The following ANKS1A variants were observed in gnomAD, a reference collection of about 807,000 sequenced individuals.
ANKS1A encodes the protein ankyrin repeat and SAM domain-containing protein 1A.
A neutral mutation model predicts 120.3 loss-of-function variants in ANKS1A; 55 were observed. The observed-to-expected ratio is 0.46, with a 90% confidence interval of 0.37 to 0.57. ANKS1A has a LOEUF of 0.57. Among genes scored for constraint, ANKS1A ranks in the 20% least tolerant of loss-of-function variants. The probability of loss-of-function intolerance (pLI) is 0.00; values close to 1 mark genes in which losing one functional copy is unlikely to be tolerated. For synonymous variants in ANKS1A, 590 were observed against 604.7 expected (o/e 0.98, Z 0.36); for missense variants, 1,123 against 1,480.3 (o/e 0.76, Z 3.96).
intron 13 of ANKS1A, among the ~76,000 whole-genome samples, chr6:35,066,255 A>G (rs1323515385): frequency 1.3e-5 from 2 of 152,194 alleles, no homozygotes; most frequent in African/African-American, 4.8e-5. Context: ...TGAAAAAGGC[A>G]GTGGGCAGCA....
At chr6:35,068,913 GCTGGCGCAGCT>G in intron 13 of ANKS1A, among the ~76,000 whole-genome samples, 1 of 152,278 alleles carries the variant, frequency 6.6e-6, no homozygotes, top group South Asian at 2.1e-4. Context: ...TAGAGTCCAG[GCTGGCGCAGCT>G]CTGGCCCCAA....
chr6:34,951,620 A>G (rs1770096533), intron 1 of ANKS1A, among the ~76,000 whole-genome samples: 1 of 152,226 alleles, frequency 6.6e-6, no homozygotes, highest in South Asian at 2.1e-4. Context: ...ATTTCATTTG[A>G]GACATTTATC....
Position 35,084,387 on chromosome 6 carries a change from G to T in ANKS1A, c.3132+129G>T. ...AGTGCCTGGCAAATGTTTGGTTCAT[G>T]AATGGAGCCCAGCAGCACTCAGGCC... On this transcript the variant is annotated intron_variant, in intron 21 of 23. Coordinates refer to ENST00000360359, the MANE Select transcript of ANKS1A (RefSeq NM_015245.3). This position sits in a 1 kb window ranked among gnomAD's most constrained non-coding sequence, Gnocchi z 4.8. The T allele has an allele frequency of 7.6e-7, 1 of 1,319,718 alleles. No homozygotes were observed. Among genetic ancestry groups the T allele is most frequent in the East Asian group, 2.5e-5 (1 of 40,318 alleles). 81.8% of individuals were successfully genotyped at this position (1,319,718 alleles called of 1,614,324 possible). A position where few individuals can be genotyped will look rare whatever the true frequency, so the allele number is the denominator to read the frequency against.
chr6:34,934,693 C>G (rs1392229372), intron 1 of ANKS1A, among the ~76,000 whole-genome samples: 1 of 152,212 alleles, frequency 6.6e-6, no homozygotes, highest in Non-Finnish European at 1.5e-5. Flanking sequence ...AAGTGGGCGT[C>G]GTGACAAGTT....
At chr6:35,067,043 ACCC>A (rs1776811712) in intron 13 of ANKS1A, among the ~76,000 whole-genome samples, 1 of 151,798 alleles carries the variant, frequency 6.6e-6, no homozygotes, top group South Asian at 2.1e-4. Flanking sequence ...CGGGATTGGA[ACCC>A]CTTTCTACCA....
rs939148836 is a variant in ANKS1A, at chr6:34,999,719, G to C, written c.1423+5297G>C. Among the ~76,000 whole-genome samples, 72 of 152,048 alleles carry C rather than the reference G, an allele frequency of 4.7e-4. 2 individuals are homozygous for C. ...GGTAACCTGTAAGCCAAGGCACCCA[G>C]ACCAGTTTCCCTACATAGACAGTTA... On this transcript the variant is annotated intron_variant, in intron 10 of 23. Coordinates refer to ENST00000360359, the MANE Select transcript of ANKS1A (RefSeq NM_015245.3).
rs374388730 is a variant in ANKS1A, at chr6:34,999,146, C to T, written c.1423+4724C>T. Among the ~76,000 whole-genome samples, 305 of 152,354 alleles carry T rather than the reference C, an allele frequency of 2.0e-3. 1 individual carries two copies. The highest frequency in any genetic ancestry group is 7.0e-3 in the African/African-American group (289 of 41,582). ...CTTGCCCACTCCATCTGAGTGGAAG[C>T]ATGGCCTGATCATCCACGGTGTGCC... On this transcript the variant is annotated intron_variant, in intron 10 of 23. Transcript: ENST00000360359.
intron 10 of ANKS1A, 83 bp downstream of exon 10, chr6:34,994,505 G>A (rs558608932): frequency 2.7e-5 from 41 of 1,544,290 alleles, no homozygotes; most frequent in South Asian, 1.1e-4. Context: ...GGAAGATGTC[G>A]TAACTATGAT....
Position 35,084,485 on chromosome 6 carries a change from G to T in ANKS1A, c.3132+227G>T, listed in dbSNP as rs1372589714. On this transcript the variant is annotated intron_variant, in intron 21 of 23. Coordinates refer to ENST00000360359, the MANE Select transcript of ANKS1A (RefSeq NM_015245.3). This position sits in a 1 kb window ranked among gnomAD's most constrained non-coding sequence, Gnocchi z 4.8. ...TGGCCCAGGGCACTAGGGACAGGAGGTTCCAGCTTTTTTTTTTTTTTTTTA... is the reference window on the plus strand; with the variant it reads ...TGGCCCAGGGCACTAGGGACAGGAGTTTCCAGCTTTTTTTTTTTTTTTTTA... 7.2e-6 allele frequency among the ~76,000 whole-genome samples: 1 copy of T among 137,954 alleles called. No homozygotes were observed. Among genetic ancestry groups the T allele is most frequent in the Non-Finnish European group, 1.5e-5 (1 of 65,322 alleles). The allele number at this position is 137,954 out of a possible 152,430, so 90.5% of individuals were successfully genotyped here.
chr6:34,979,773 A>G (rs1308855062), intron 3 of ANKS1A, among the ~76,000 whole-genome samples: 1 of 152,196 alleles, frequency 6.6e-6, no homozygotes, highest in African/African-American at 2.4e-5. Context: ...TTTAATAAGA[A>G]TAAGCTGACT....
intron 3 of ANKS1A, among the ~76,000 whole-genome samples, chr6:34,978,167 CA>C (rs1427913365): frequency 4.6e-5 from 7 of 152,058 alleles, no homozygotes; most frequent in African/African-American, 1.7e-4. Context: ...CTGTGTTGTC[CA>C]GGGGGTCTCT....
At chr6:34,909,141 G>A (rs1484754796) in intron 1 of ANKS1A, among the ~76,000 whole-genome samples, 1 of 152,086 alleles carries the variant, frequency 6.6e-6, no homozygotes. Flanking sequence ...TTTTTGCCTG[G>A]GGACATGTTT....
At chr6:35,013,435 C>CAGGT (rs1773863092) in intron 10 of ANKS1A, among the ~76,000 whole-genome samples, 1 of 152,090 alleles carries the variant, frequency 6.6e-6, no homozygotes, top group Non-Finnish European at 1.5e-5. Context: ...GCTGGGACAG[C>CAGGT]AGGTGTGCAC....
rs527666682 is a variant in ANKS1A, at chr6:35,060,979, C to T, written c.2184+726C>T. Among the ~76,000 whole-genome samples the T allele has an allele frequency of 7.9e-5, 12 of 152,318 alleles. No homozygotes were observed. Among genetic ancestry groups the T allele is most frequent in the South Asian group, 2.1e-4 (1 of 4,834 alleles). ...AAGCCCTTCTAGAGGCATCTGCATG[C>T]GCCGGGCCTGCTTCCAGGAGCAGGC... On this transcript the variant is annotated intron_variant, in intron 13 of 23. Coordinates refer to ENST00000360359, the MANE Select transcript of ANKS1A (RefSeq NM_015245.3). This position sits in a 1 kb window ranked among gnomAD's most constrained non-coding sequence, Gnocchi z 4.5.
intron 1 of ANKS1A, among the ~76,000 whole-genome samples, chr6:34,917,883 T>C (rs928764123): frequency 1.3e-5 from 2 of 152,234 alleles, no homozygotes; most frequent in African/African-American, 4.8e-5. Context: ...GTACAATCCC[T>C]GGAGAGAGGA....
chr6:35,063,949 C>T (rs997300051), intron 13 of ANKS1A, among the ~76,000 whole-genome samples: 2 of 152,132 alleles, frequency 1.3e-5, no homozygotes, highest in African/African-American at 2.4e-5. Context: ...CCAGGGGTTT[C>T]GTAGAGATGG....
intron 1 of ANKS1A, among the ~76,000 whole-genome samples, chr6:34,961,766 T>C (rs1770652493): frequency 6.6e-6 from 1 of 152,200 alleles, no homozygotes; most frequent in Admixed American, 6.5e-5. Context: ...AGGCCCGCAC[T>C]CTCAGCCGCT....
intron 3 of ANKS1A, among the ~76,000 whole-genome samples, chr6:34,981,364 C>T (rs552942284): frequency 6.6e-6 from 1 of 152,314 alleles, no homozygotes; most frequent in South Asian, 2.1e-4. Flanking sequence ...TGGTATTCAT[C>T]TTGCCAGGGC....
chr6:34,901,969 C>T (rs1767371375), intron 1 of ANKS1A, among the ~76,000 whole-genome samples: 1 of 152,172 alleles, frequency 6.6e-6, no homozygotes, highest in Non-Finnish European at 1.5e-5. Flanking sequence ...TCCTATATAC[C>T]TAACAGTAAT....
Sources: allele counts gnomAD v4.1 joint callset (sites outside exome capture counted in the v4.1 genomes callset), GRCh38; gene constraint gnomAD v4.1.1; non-coding constraint Gnocchi (gnomAD v3.1); transcripts MANE v1.5; gene names NCBI Gene and HGNC (gene_info 2026-07-23, HGNC 2026-07-21).